Variants in M1AP observed in about 807,000 individuals in gnomAD.
M1AP encodes meiosis 1 arrest protein.
Under a neutral mutation model 51.2 loss-of-function variants are expected in M1AP, and 39 were observed. The ratio of observed to expected loss-of-function variants is 0.76; its 90% CI spans 0.59 to 1.00. M1AP has a LOEUF of 1.00. Among genes scored for constraint, M1AP ranks in the 50% least tolerant of loss-of-function variants. The pLI is 0.00. For missense variants in M1AP, 545 were observed against 641.2 expected, an observed-to-expected ratio of 0.85 and a Z score of 1.62; for synonymous variants, 251 against 249.2, an observed-to-expected ratio of 1.01 and a Z score of -0.07.
At chr2:74,645,954 G>A in intron 1 of M1AP, among the ~76,000 whole-genome samples, 1 of 152,258 alleles carries the variant, frequency 6.6e-6, no homozygotes, top group East Asian at 1.9e-4. Context: ...CAACAACACA[G>A]TTCAAATTTC....
chr2:74,642,546 T>C lies in M1AP; in HGVS notation c.-52-2219A>G, dbSNP rs545264059. Among the ~76,000 whole-genome samples, 5 of 152,330 alleles carry C rather than the reference T, an allele frequency of 3.3e-5. No homozygotes were observed. The South Asian group carries it at 1.0e-3, about 32-fold the overall frequency. On this transcript the variant is annotated intron_variant, in intron 1 of 10. Transcript: ENST00000421985. ...TCTTCATGGTGATATGTTGAAAGCT[T>C]TCCATGTAAGACAAGGAGCATGCTA...
intron 4 of M1AP, among the ~76,000 whole-genome samples, chr2:74,595,208 T>C (rs1680260639): frequency 6.6e-6 from 1 of 152,010 alleles, no homozygotes; most frequent in Non-Finnish European, 1.5e-5. Flanking sequence ...GTAGATGAAG[T>C]CTCACTATGC....
intron 2 of M1AP, among the ~76,000 whole-genome samples, chr2:74,632,595 T>G (rs146953485): frequency 7.8e-4 from 119 of 152,292 alleles, no homozygotes; most frequent in African/African-American, 2.5e-3. Flanking sequence ...AGTGAAACTA[T>G]CCCCATGTCT....
intron 4 of M1AP, among the ~76,000 whole-genome samples, chr2:74,606,426 T>G (rs1681002288): frequency 2.0e-5 from 3 of 152,152 alleles, no homozygotes; most frequent in Admixed American, 2.0e-4. Context: ...ATTAAACAAA[T>G]TATGGTAAAA....
rs1677830502 is a variant in M1AP at position 74,560,297 on chromosome 2, GAA to G, written c.1282-8_1282-7del. The G allele has an allele frequency of 3.2e-6, 5 of 1,583,902 alleles. No homozygotes were observed. Among genetic ancestry groups the G allele is most frequent in the Non-Finnish European group, 3.4e-6 (4 of 1,166,988 alleles). On this transcript the variant is annotated splice_region_variant and splice_polypyrimidine_tract_variant and intron_variant, in intron 8 of 10. Coordinates refer to ENST00000421985, the MANE Select transcript of M1AP (RefSeq NM_001321739.2). ...TCCAGGCTGTCCAGCATGCTCTGAG[GAA>G]AAGAGAGGAGGGGCCTCACTAGGGA...
intron 7 of M1AP, chr2:74,575,230 T>C: frequency 2.2e-6 from 2 of 926,234 alleles, no homozygotes; most frequent in Non-Finnish European, 2.6e-6. Flanking sequence ...TTTAGTGTTG[T>C]ATAACTGAAT....
intron 2 of M1AP, among the ~76,000 whole-genome samples, chr2:74,631,820 T>G (rs919473072): frequency 6.6e-6 from 1 of 152,184 alleles, no homozygotes; most frequent in African/African-American, 2.4e-5. Context: ...TATAAAACAT[T>G]CAGAATTATT....
At chr2:74,624,438 T>C (rs1183668711) in intron 2 of M1AP, among the ~76,000 whole-genome samples, 4 of 152,188 alleles carry the variant, frequency 2.6e-5, no homozygotes, top group African/African-American at 9.7e-5. Context: ...GGTTATCTTA[T>C]AGATAGATAA....
At chr2:74,591,833 T>C (rs1400492464) in intron 4 of M1AP, among the ~76,000 whole-genome samples, 2 of 152,196 alleles carry the variant, frequency 1.3e-5, no homozygotes. Flanking sequence ...TCCTCTAGGA[T>C]GGAGTGCAGT....
chr2:74,608,451 T>C (rs887915079), intron 3 of M1AP, among the ~76,000 whole-genome samples: 2 of 152,350 alleles, frequency 1.3e-5, no homozygotes, highest in Non-Finnish European at 2.9e-5. Flanking sequence ...TAATCCATTG[T>C]CTGGATGAAT....
At chr2:74,611,553 ATCTC>A (rs1369210289) in intron 3 of M1AP, among the ~76,000 whole-genome samples, 1 of 152,052 alleles carries the variant, frequency 6.6e-6, no homozygotes, top group Non-Finnish European at 1.5e-5. Flanking sequence ...TATTTGACTC[ATCTC>A]TCTTTTTTTC....
rs1573174203 is a variant in M1AP, at chr2:74,627,409, T to C, written c.241-12260A>G. Among the ~76,000 whole-genome samples the C allele has an allele frequency of 2.0e-5, 3 of 152,320 alleles. No individual in the cohort carries two copies. In the East Asian group the frequency reaches 5.8e-4, roughly 29 times the overall value. On this transcript the variant is annotated intron_variant, in intron 2 of 10. Transcript: ENST00000421985. Reference sequence around the variant, plus strand: ...ATTTCCTAGTGGATTCTCTTGGGCTTTCTGGATAATCAAATAATCCGCAAA... The same window carrying C: ...ATTTCCTAGTGGATTCTCTTGGGCTCTCTGGATAATCAAATAATCCGCAAA...
intron 4 of M1AP, among the ~76,000 whole-genome samples, chr2:74,591,689 TG>T (rs1680045633): frequency 6.6e-6 from 1 of 152,088 alleles, no homozygotes; most frequent in African/African-American, 2.4e-5. Context: ...TGAAAATAAA[TG>T]TAAGTGGAGC....
At chr2:74,584,156 T>C (rs1313603073) in intron 4 of M1AP, among the ~76,000 whole-genome samples, 1 of 152,136 alleles carries the variant, frequency 6.6e-6, no homozygotes, top group Non-Finnish European at 1.5e-5. Context: ...AAAAAAATAA[T>C]GTGCATTTTA....
In M1AP at chr2:74,588,599, G is replaced by GGAA. The variant is rs1679856210; in HGVS notation, c.596-6755_596-6753dup. Among the ~76,000 whole-genome samples the GGAA allele has an allele frequency of 2.0e-5, 3 of 152,290 alleles. No individual in the cohort carries two copies. The East Asian group carries it at 5.8e-4, about 29-fold the overall frequency. ...TTCTAAGCTCATTTGCCTCATTTGTGGAAGTGATGCTTGGACCCTAGGAAA... is the reference window on the plus strand; with the variant it reads ...TTCTAAGCTCATTTGCCTCATTTGTGGAAGAAGTGATGCTTGGACCCTAGGAAA... On this transcript the variant is annotated intron_variant, in intron 4 of 10. Coordinates refer to ENST00000421985, the MANE Select transcript of M1AP (RefSeq NM_001321739.2).
chr2:74,617,789 A>C (rs1475584942), intron 2 of M1AP, among the ~76,000 whole-genome samples: 1 of 152,236 alleles, frequency 6.6e-6, no homozygotes, highest in Non-Finnish European at 1.5e-5. Context: ...TATTTCTATT[A>C]TCGAAGGTTC....
intron 1 of M1AP, among the ~76,000 whole-genome samples, chr2:74,642,239 TAAATA>T (rs1473648523): frequency 4.0e-5 from 6 of 151,632 alleles, no homozygotes; most frequent in Admixed American, 1.3e-4. Context: ...GTAAAAATTC[TAAATA>T]AAATATAGAG....
chr2:74,606,382 T>C (rs17010092), intron 4 of M1AP, among the ~76,000 whole-genome samples: 6,853 of 152,206 alleles, frequency 0.045, 521 homozygotes, highest in African/African-American at 0.16. Context: ...TTTATAATAC[T>C]AAAATGTAAT....
intron 4 of M1AP, among the ~76,000 whole-genome samples, chr2:74,594,792 A>G (rs1230974188): frequency 1.3e-5 from 2 of 152,060 alleles, no homozygotes; most frequent in Non-Finnish European, 2.9e-5. Context: ...TGGGAGGATC[A>G]TCTGAGCCCA....
Sources: allele counts gnomAD v4.1 joint callset (sites outside exome capture counted in the v4.1 genomes callset), GRCh38; gene constraint gnomAD v4.1.1; transcripts MANE v1.5; gene names NCBI Gene and HGNC (gene_info 2026-07-23, HGNC 2026-07-21).